CHN2: variants seen among roughly 807,000 people sequenced by gnomAD.
CHN2 encodes chimerin 2.
Under a neutral mutation model 56.3 loss-of-function variants are expected in CHN2, and 35 were observed. That is an observed-to-expected ratio of 0.62 (90% CI 0.47 to 0.82). The LOEUF (loss-of-function observed/expected upper bound fraction) is 0.82. CHN2 is among the 40% of genes least tolerant of loss of function. The pLI is 0.00. For synonymous variants in CHN2, 210 were observed against 212.8 expected, an observed-to-expected ratio of 0.99 and a Z score of 0.12; for missense variants, 491 against 580.5, an observed-to-expected ratio of 0.85 and a Z score of 1.58.
intron 1 of CHN2, among the ~76,000 whole-genome samples, chr7:29,275,996 C>G (rs1791173431): frequency 6.6e-6 from 1 of 151,938 alleles, no homozygotes; most frequent in Non-Finnish European, 1.5e-5. Flanking sequence ...AAGCCCAAAC[C>G]CCGCATTACC....
chr7:29,472,285 A>ACACG (rs1554298708), intron 6 of CHN2, among the ~76,000 whole-genome samples: 1 of 150,064 alleles, frequency 6.7e-6, no homozygotes, highest in South Asian at 2.1e-4. Context: ...ACACACACAC[A>ACACG]CACACACACA....
chr7:29,364,930 A>G (rs1281395738), intron 2 of CHN2, among the ~76,000 whole-genome samples: 1 of 152,138 alleles, frequency 6.6e-6, no homozygotes, highest in Non-Finnish European at 1.5e-5. Context: ...ACAAAACTGA[A>G]TATGCATTAT....
chr7:29,219,395 T>G (rs1293113291), intron 1 of CHN2, among the ~76,000 whole-genome samples: 1 of 152,086 alleles, frequency 6.6e-6, no homozygotes, highest in African/African-American at 2.4e-5. Flanking sequence ...TAAAAACACT[T>G]GAATGACTAA....
At chr7:29,480,798 A>C (rs961541265) in intron 7 of CHN2, among the ~76,000 whole-genome samples, 2 of 152,094 alleles carry the variant, frequency 1.3e-5, no homozygotes, top group Non-Finnish European at 2.9e-5. Flanking sequence ...AGTGATGCTA[A>C]CTCCTTTCCT....
intron 1 of CHN2, among the ~76,000 whole-genome samples, chr7:29,321,794 T>A (rs1795383888): frequency 6.6e-6 from 1 of 152,218 alleles, no homozygotes; most frequent in East Asian, 1.9e-4. Context: ...GGTCTCGACC[T>A]CCTGACCTCA....
At chr7:29,258,573 T>A (rs1789263153) in intron 1 of CHN2, among the ~76,000 whole-genome samples, 1 of 152,236 alleles carries the variant, frequency 6.6e-6, no homozygotes. Context: ...TCCAAAGTTG[T>A]GCACTTGCTA....
At chr7:29,376,176 G>A (rs1055972244) in intron 3 of CHN2, among the ~76,000 whole-genome samples, 1 of 152,186 alleles carries the variant, frequency 6.6e-6, no homozygotes. Context: ...TATGCTGAAT[G>A]ATATTACCTA....
At chr7:29,364,304 A>G (rs1240565898) in intron 2 of CHN2, among the ~76,000 whole-genome samples, 5 of 152,218 alleles carry the variant, frequency 3.3e-5, no homozygotes, top group African/African-American at 1.2e-4. Flanking sequence ...AGATGCTCAC[A>G]TATTTGCTTG....
intron 2 of CHN2, among the ~76,000 whole-genome samples, 189 bp downstream of exon 2, chr7:29,354,852 T>C (rs543194315): frequency 9.2e-5 from 14 of 152,218 alleles, no homozygotes; most frequent in Admixed American, 2.6e-4. Context: ...TACCAAGGCC[T>C]CCAAGAACCA....
chr7:29,315,478 G>A (rs1794892883), intron 1 of CHN2, among the ~76,000 whole-genome samples: 1 of 152,142 alleles, frequency 6.6e-6, no homozygotes, highest in Non-Finnish European at 1.5e-5. Context: ...CATTGCATTA[G>A]GAGGTTACAA....
chr7:29,158,837 T>C (rs971779201), intron 2 of CHN2, among the ~76,000 whole-genome samples: 5 of 152,234 alleles, frequency 3.3e-5, no homozygotes, highest in African/African-American at 1.2e-4. Flanking sequence ...CTTAGAGAGA[T>C]ACTTCTGACA....
At chr7:29,314,286 G>A (rs947353327) in intron 1 of CHN2, among the ~76,000 whole-genome samples, 1 of 152,130 alleles carries the variant, frequency 6.6e-6, no homozygotes, top group Non-Finnish European at 1.5e-5. Flanking sequence ...AAATAAGACA[G>A]TCACAACAAA....
chr7:29,384,348 C>G (rs1167879443), intron 3 of CHN2, among the ~76,000 whole-genome samples: 1 of 152,140 alleles, frequency 6.6e-6, no homozygotes, highest in East Asian at 1.9e-4. Flanking sequence ...TGGTTTGGAT[C>G]TCATCTCCCT....
rs140655274 is a variant in CHN2 at position 29,368,694 on chromosome 7, G to T, written c.144+707G>T. 2.0e-5 allele frequency among the ~76,000 whole-genome samples: 3 copies of T among 152,202 alleles called. No individual in the cohort carries two copies. The East Asian group carries it at 5.8e-4, about 29-fold the overall frequency. On this transcript the variant is annotated intron_variant, in intron 3 of 12. Transcript: ENST00000222792. ...ATGCATGCCTTATCAAGGGGGAAAGGCTCCAATTCCAACACTCTTGAGATT... is the reference window on the plus strand; with the variant it reads ...ATGCATGCCTTATCAAGGGGGAAAGTCTCCAATTCCAACACTCTTGAGATT...
intron 1 of CHN2, among the ~76,000 whole-genome samples, chr7:29,225,433 G>T (rs914682148): frequency 2.0e-5 from 3 of 152,154 alleles, no homozygotes; most frequent in Non-Finnish European, 4.4e-5. Flanking sequence ...GAAGTTCCCA[G>T]ATCAGCCCAC....
intron 6 of CHN2, among the ~76,000 whole-genome samples, chr7:29,407,032 C>T (rs1177857962): frequency 2.6e-5 from 4 of 152,154 alleles, no homozygotes; most frequent in African/African-American, 7.2e-5. Flanking sequence ...CAGCATCTCC[C>T]GCACCGTCTC....
intron 2 of CHN2, among the ~76,000 whole-genome samples, chr7:29,168,751 CATTAT>C (rs1319239186): frequency 6.6e-6 from 1 of 152,160 alleles, no homozygotes; most frequent in Non-Finnish European, 1.5e-5. Context: ...ACTATTTTTC[CATTAT>C]ATTATGCTAA....
At chr7:29,161,651 T>C (rs1795193146) in intron 2 of CHN2, among the ~76,000 whole-genome samples, 1 of 152,216 alleles carries the variant, frequency 6.6e-6, no homozygotes, top group Admixed American at 6.5e-5. Flanking sequence ...TTCACTGAAT[T>C]TTTAATTTAA....
At chr7:29,401,832 C>T (rs1423813606) in intron 6 of CHN2, among the ~76,000 whole-genome samples, 1 of 152,166 alleles carries the variant, frequency 6.6e-6, no homozygotes, top group African/African-American at 2.4e-5. Context: ...AAGGCACCAC[C>T]AGAGTTTGCT....
Sources: allele counts gnomAD v4.1 joint callset (sites outside exome capture counted in the v4.1 genomes callset), GRCh38; gene constraint gnomAD v4.1.1; transcripts MANE v1.5; gene names NCBI Gene and HGNC (gene_info 2026-07-23, HGNC 2026-07-21).